The following GPRASP3 variants were observed in gnomAD, a reference collection of about 807,000 sequenced individuals.
The protein encoded by GPRASP3 is G protein-coupled receptor associated sorting protein family member 3.
chrX:102,749,517 T>C, the GPRASP3 span: 1 of 1,211,779 alleles, frequency 8.3e-7, no homozygotes. Flanking sequence ...AGAATGTTAT[T>C]GGGAACTGGT....
chrX:102,750,392 A>G, the GPRASP3 span: 1 of 1,202,454 alleles, frequency 8.3e-7, no homozygotes, highest in East Asian at 3.0e-5. Context: ...CTTGTTTTGA[A>G]ACTACTTTTA....
chrX:102,749,299 A>G, the GPRASP3 span: 20 of 1,211,721 alleles, frequency 1.7e-5, no homozygotes, highest in Non-Finnish European at 2.2e-5. Flanking sequence ...CTCCACATGT[A>G]AAAATGAGGC....
At chrX:102,739,838 G>C in the GPRASP3 span, among the ~76,000 whole-genome samples, 1 of 111,647 alleles carries the variant, frequency 9.0e-6, no homozygotes, top group African/African-American at 3.3e-5. Flanking sequence ...TATAAACCTC[G>C]GGGGATATCC....
At chrX:102,731,796 A>C in the GPRASP3 span, among the ~76,000 whole-genome samples, 4 of 111,389 alleles carry the variant, frequency 3.6e-5, no homozygotes, top group Non-Finnish European at 7.5e-5. Flanking sequence ...GCCCGCATGC[A>C]AGGTGCCCTC....
At chrX:102,748,849 A>G in the GPRASP3 span, 1 of 568,792 alleles carries the variant, frequency 1.8e-6, no homozygotes, top group Non-Finnish European at 2.7e-6. Flanking sequence ...TGGAAAGAGA[A>G]CTTTGTGACT....
chrX:102,749,948 G>T, the GPRASP3 span: 1 of 1,209,271 alleles, frequency 8.3e-7, no homozygotes, highest in African/African-American at 1.7e-5. Flanking sequence ...AAAATGGAAT[G>T]CTATATGGAT....
At chrX:102,745,403 G>C in the GPRASP3 span, among the ~76,000 whole-genome samples, 15 of 111,572 alleles carry the variant, frequency 1.3e-4, no homozygotes, top group Non-Finnish European at 2.8e-4. Context: ...GTGAGGCCTT[G>C]ATGGGAGCCC....
At chrX:102,725,527 C>CTT in the GPRASP3 span, among the ~76,000 whole-genome samples, 29 of 96,459 alleles carry the variant, frequency 3.0e-4, no homozygotes, top group African/African-American at 9.8e-4. Flanking sequence ...CCACTTGTTT[C>CTT]TTTTTTTTTT....
chrX:102,721,641 T>G, the GPRASP3 span, among the ~76,000 whole-genome samples: 1 of 111,234 alleles, frequency 9.0e-6, no homozygotes, highest in Non-Finnish European at 1.9e-5. Context: ...CTCAGCCCCA[T>G]GCAGCAGGAT....
the GPRASP3 span, among the ~76,000 whole-genome samples, chrX:102,745,742 C>T: frequency 9.0e-6 from 1 of 111,215 alleles, no homozygotes. Flanking sequence ...CTGATCCTGT[C>T]CCCTGCCTGG....
chrX:102,733,283 C>T, the GPRASP3 span, among the ~76,000 whole-genome samples: 5 of 110,443 alleles, frequency 4.5e-5, no homozygotes, highest in African/African-American at 1.7e-4. Context: ...TGGTGAAACC[C>T]CGTCTCTACT....
chrX:102,741,991 G>A, the GPRASP3 span, among the ~76,000 whole-genome samples: 2 of 112,251 alleles, frequency 1.8e-5, no homozygotes, highest in African/African-American at 6.5e-5. Context: ...TGCAAGAGAT[G>A]TTAAAAAGAA....
the GPRASP3 span, among the ~76,000 whole-genome samples, chrX:102,740,922 G>A: frequency 2.7e-5 from 3 of 111,235 alleles, no homozygotes; most frequent in African/African-American, 3.3e-5. Flanking sequence ...AACTGCACAC[G>A]GGGGTCAGAT....
the GPRASP3 span, chrX:102,745,923 G>A: frequency 9.0e-6 from 1 of 111,133 alleles, no homozygotes; most frequent in African/African-American, 3.3e-5. Context: ...ACTAAGGTGG[G>A]CCTGAGAGGG....
chrX:102,731,464 T>TA, the GPRASP3 span, among the ~76,000 whole-genome samples: 29 of 109,442 alleles, frequency 2.6e-4, no homozygotes, highest in African/African-American at 9.7e-4. Flanking sequence ...TCTACTAAAA[T>TA]AAAAAAATAA....
the GPRASP3 span, among the ~76,000 whole-genome samples, chrX:102,743,362 T>C: frequency 9.0e-6 from 1 of 111,664 alleles, no homozygotes; most frequent in Non-Finnish European, 1.9e-5. Context: ...ACCATATGTA[T>C]TATTGTACAA....
the GPRASP3 span, chrX:102,747,986 T>G: frequency 8.9e-6 from 1 of 112,094 alleles, no homozygotes; most frequent in Non-Finnish European, 1.9e-5. Flanking sequence ...GACCAGATCA[T>G]ATCTTGGTGC....
At chrX:102,727,639 A>G in the GPRASP3 span, among the ~76,000 whole-genome samples, 3 of 112,614 alleles carry the variant, frequency 2.7e-5, no homozygotes, top group Non-Finnish European at 3.7e-5. Context: ...CACTGAGGCT[A>G]CAGCACAAAG....
At chrX:102,724,716 CTG>C in the GPRASP3 span, among the ~76,000 whole-genome samples, 16 of 92,805 alleles carry the variant, frequency 1.7e-4, 2 homozygotes, top group East Asian at 8.1e-4. Flanking sequence ...AGCAGGGTGA[CTG>C]GTGTGTGTGT....
Sources: gnomAD v4.1 joint callset for allele counts (sites outside exome capture counted in the v4.1 genomes callset) on GRCh38, gnomAD v4.1.1 for gene constraint, MANE v1.5 for transcripts, NCBI Gene and HGNC (gene_info 2026-07-23, HGNC 2026-07-21) for gene names.